The following PRDM16 variants were observed in gnomAD, a reference collection of about 807,000 sequenced individuals.
The protein encoded by PRDM16 is histone-lysine N-methyltransferase PRDM16.
PRDM16 carries 23 observed loss-of-function variants against 110.6 expected under a neutral mutation model. That is an observed-to-expected ratio of 0.21 (90% CI 0.15 to 0.29). The LOEUF is 0.29. Ranked by LOEUF, PRDM16 falls within the 10% of genes least tolerant of loss-of-function variation. The probability of loss-of-function intolerance (pLI) is 1.00; values close to 1 mark genes in which losing one functional copy is unlikely to be tolerated. For synonymous variants in PRDM16, 799 were observed against 781.8 expected, an observed-to-expected ratio of 1.02 and a Z score of -0.37; for missense variants, 1,615 against 1,794.3, an observed-to-expected ratio of 0.90 and a Z score of 1.81.
At chr1:3,225,581 C>CGTGT (rs1466525276) in intron 2 of PRDM16, among the ~76,000 whole-genome samples, 13 of 147,922 alleles carry the variant, frequency 8.8e-5, no homozygotes, top group African/African-American at 3.3e-4. Context: ...TGTGCGCGCG[C>CGTGT]GCAGAAGGAA....
chr1:3,365,024 A>G (rs1437178830), intron 3 of PRDM16, among the ~76,000 whole-genome samples: 1 of 152,192 alleles, frequency 6.6e-6, no homozygotes, highest in East Asian at 1.9e-4. Flanking sequence ...AAGGAAGGGA[A>G]GGCACCAGGG....
intron 1 of PRDM16, among the ~76,000 whole-genome samples, chr1:3,161,585 G>A (rs1557492565): frequency 6.6e-6 from 1 of 152,204 alleles, no homozygotes; most frequent in Admixed American, 6.5e-5. Context: ...CTGGCTGCCC[G>A]CTGGACCAGG....
At chr1:3,217,685 G>T (rs556920201) in intron 2 of PRDM16, among the ~76,000 whole-genome samples, 14 of 152,312 alleles carry the variant, frequency 9.2e-5, no homozygotes, top group African/African-American at 3.1e-4. Flanking sequence ...TGCTCTTCCT[G>T]GGGCCAGGTC....
intron 3 of PRDM16, among the ~76,000 whole-genome samples, chr1:3,326,245 C>T (rs1641906843): frequency 6.6e-6 from 1 of 152,254 alleles, no homozygotes. Context: ...ACATCACCTC[C>T]ATCCCCGCCT....
In PRDM16 at chr1:3,201,932, T is replaced by C. The variant is rs183001672; in HGVS notation, c.387+15458T>C. Among the ~76,000 whole-genome samples the C allele has an allele frequency of 2.1e-3, 322 of 152,262 alleles. 1 individual carries two copies. Among genetic ancestry groups the C allele is most frequent in the African/African-American group, 7.4e-3 (308 of 41,560 alleles). On this transcript the variant is annotated intron_variant, in intron 2 of 16. Coordinates refer to ENST00000270722, the MANE Select transcript of PRDM16 (RefSeq NM_022114.4). This position sits in a 1 kb window ranked among gnomAD's most constrained non-coding sequence, Gnocchi z 4.1. ...CCAAGTGGAGCCTTCGAGCAAGGGG[T>C]CCAGCTCCTGTAGGTTTCTTGCTTC...
intron 3 of PRDM16, among the ~76,000 whole-genome samples, chr1:3,272,269 T>C (rs995095425): frequency 1.6e-4 from 25 of 152,242 alleles, no homozygotes; most frequent in African/African-American, 6.0e-4. Context: ...GAGTTGGCTG[T>C]AGTCGGGCGC....
chr1:3,404,739 C>T lies in PRDM16; in HGVS notation c.885C>T (p.Ser295=), dbSNP rs538193750. The change falls in exon 7 of 17, where the codon AGC becomes AGT. Residue 295 remains serine, a splice_region_variant and synonymous_variant. Coordinates refer to ENST00000270722, the MANE Select transcript of PRDM16 (RefSeq NM_022114.4). ...DCERMFPNKY[S]LEQHMVIHTE... is the part of the protein sequence containing the mutation. ...GCAGTGAGCCTCGTCCTCTGCGCAG[C>T]CTGGAGCAGCACATGGTCATCCACA... 6 of 1,613,264 alleles carry T rather than the reference C, an allele frequency of 3.7e-6. No homozygotes were observed. Among genetic ancestry groups the T allele is most frequent in the East Asian group, 2.2e-5 (1 of 44,878 alleles).
intron 5 of PRDM16, among the ~76,000 whole-genome samples, chr1:3,397,631 C>A (rs1643406129): frequency 6.6e-6 from 1 of 152,274 alleles, no homozygotes; most frequent in Non-Finnish European, 1.5e-5. Context: ...GGAACGCAAG[C>A]TCCCTCCTGG....
rs1359727990 is a variant in PRDM16 at position 3,359,334 on chromosome 1, T to C, written c.439-25818T>C. On this transcript the variant is annotated intron_variant, in intron 3 of 16. Coordinates refer to ENST00000270722, the MANE Select transcript of PRDM16 (RefSeq NM_022114.4). The surrounding 1 kb of genome is among the most constrained non-coding windows in gnomAD (Gnocchi z 4.3). ...CAGCTGCCTTTGTCCTGGATGTCAA[T>C]GTCCATGAAAACAGCCTCAGAACTA... Among the ~76,000 whole-genome samples, 1 of 152,186 alleles carries C rather than the reference T, an allele frequency of 6.6e-6. No individual in the cohort carries two copies. Among genetic ancestry groups the C allele is most frequent in the African/African-American group, 2.4e-5 (1 of 41,452 alleles).
chr1:3,096,199 C>T (rs937344048), intron 1 of PRDM16, among the ~76,000 whole-genome samples: 2 of 152,146 alleles, frequency 1.3e-5, no homozygotes, highest in Non-Finnish European at 1.5e-5. Context: ...GGCTTTCCTG[C>T]TCCTCTTCCT....
chr1:3,100,231 G>A (rs1642499948), intron 1 of PRDM16, among the ~76,000 whole-genome samples: 1 of 152,192 alleles, frequency 6.6e-6, no homozygotes, highest in African/African-American at 2.4e-5. Flanking sequence ...CGTGGCCCCA[G>A]TGCCCACTCT....
In PRDM16 at chr1:3,385,274, G is replaced by C. The variant is rs752812879; in HGVS notation, c.561G>C (p.Gln187His). The change falls in exon 4 of 17, where the codon CAG (glutamine) becomes CAC (histidine). Residue 187 changes from glutamine (Q) to histidine (H), a missense_variant. Physicochemically the swap from Gln to His is conservative, Grantham distance 24. Around this residue, in one of 5 missense-constraint regions of PRDM16, gnomAD observed 416 missense variants for 467.1 expected, o/e 0.89. Transcript: ENST00000270722. ...SCDDQNLTMC[Q>H]ISEQIYYKVI... ...ATGACCAGAACCTCACCATGTGTCA[G>C]ATCAGTGAGCAGGTAGGTCCGGGCT... 1.4e-5 allele frequency: 23 copies of C among 1,613,562 alleles called. No homozygotes were observed. The highest frequency in any genetic ancestry group is 1.9e-5 in the Non-Finnish European group (22 of 1,180,002).
intron 3 of PRDM16, among the ~76,000 whole-genome samples, chr1:3,287,814 C>G (rs1156597967): frequency 1.3e-5 from 2 of 149,136 alleles, no homozygotes; most frequent in African/African-American, 5.0e-5. Context: ...CGTGGGCATC[C>G]AGGATTGCAT....
At chr1:3,407,408 G>A (rs936777061) in intron 8 of PRDM16, among the ~76,000 whole-genome samples, 3 of 152,312 alleles carry the variant, frequency 2.0e-5, no homozygotes, top group South Asian at 2.1e-4. Flanking sequence ...GCTGACCACC[G>A]ATCTCCCAGG....
At position 3,410,017 on chromosome 1, in the gene PRDM16, CTG is replaced by C. The variant is rs554362826; in HGVS notation, c.1187-1360_1187-1359del. On this transcript the variant is annotated intron_variant, in intron 8 of 16. Transcript: ENST00000270722. ...TGTGGGGGGTGTGCATGTGTGTGTG[CTG>C]TGTGTGCATGTGTGTGATTGTGTGT... 4.6e-3 allele frequency among the ~76,000 whole-genome samples: 554 copies of C among 119,910 alleles called. 3 individuals carry two copies. The highest frequency in any genetic ancestry group is 0.018 in the African/African-American group (517 of 29,388). The allele number at this position is 119,910 out of a possible 152,430, so 78.7% of individuals were successfully genotyped here.
At chr1:3,238,273 C>T (rs546032517) in intron 2 of PRDM16, among the ~76,000 whole-genome samples, 5 of 152,210 alleles carry the variant, frequency 3.3e-5, no homozygotes, top group African/African-American at 7.2e-5. Flanking sequence ...GTGTAAACAG[C>T]GGCGTAGAGA....
chr1:3,279,176 C>A (rs77358002), intron 3 of PRDM16, among the ~76,000 whole-genome samples: 1 of 152,196 alleles, frequency 6.6e-6, no homozygotes, highest in African/African-American at 2.4e-5. Flanking sequence ...CTCGAAGCGT[C>A]GCTCACCATG....
In PRDM16 at chr1:3,244,156, C is replaced by G. The variant is rs369171650; in HGVS notation, c.438+19C>G. On this transcript the variant is annotated intron_variant, in intron 3 of 16. Transcript: ENST00000270722. This position sits in a 1 kb window ranked among gnomAD's most constrained non-coding sequence, Gnocchi z 4.1. ...CACAAAGGTAGGAGAGCTCGCCCTG[C>G]GCCGTCTCAGCTCCCCAGCGTCCTC... 1.5e-4 allele frequency: 235 copies of G among 1,612,698 alleles called. No individual in the cohort carries two copies. The South Asian group carries it at 2.5e-3, about 17-fold the overall frequency.
chr1:3,290,453 G>A lies in PRDM16; in HGVS notation c.438+46316G>A, dbSNP rs868440418. Reference sequence around the variant, plus strand: ...TGCCTCCACCTGCTGTGTTCGAAGCGGTGATTTTTCTCTTGAGGCCCCTGT... The same window carrying A: ...TGCCTCCACCTGCTGTGTTCGAAGCAGTGATTTTTCTCTTGAGGCCCCTGT... On this transcript the variant is annotated intron_variant, in intron 3 of 16. Coordinates refer to ENST00000270722, the MANE Select transcript of PRDM16 (RefSeq NM_022114.4). The surrounding 1 kb of genome is among the most constrained non-coding windows in gnomAD (Gnocchi z 4.8). Among the ~76,000 whole-genome samples the A allele has an allele frequency of 2.2e-4, 34 of 152,318 alleles. No individual in the cohort carries two copies. Among genetic ancestry groups the A allele is most frequent in the Middle Eastern group, 3.4e-3 (1 of 294 alleles).
Sources: allele counts gnomAD v4.1 joint callset (sites outside exome capture counted in the v4.1 genomes callset), GRCh38; gene constraint gnomAD v4.1.1; regional missense constraint gnomAD v4.1.1; non-coding constraint Gnocchi (gnomAD v3.1); transcripts MANE v1.5; gene names NCBI Gene and HGNC (gene_info 2026-07-23, HGNC 2026-07-21).